Variants in ATP1B2 observed in about 807,000 individuals in gnomAD.
The protein encoded by ATP1B2 is sodium/potassium-transporting ATPase subunit beta-2.
A neutral mutation model predicts 37.3 loss-of-function variants in ATP1B2; 12 were observed. The observed-to-expected ratio is 0.32, with a 90% CI of 0.21 to 0.52. The LOEUF is 0.52. Ranked by LOEUF, ATP1B2 falls within the 20% of genes least tolerant of loss-of-function variation. The probability of loss-of-function intolerance (pLI) is 0.96; values close to 1 mark genes in which losing one functional copy is unlikely to be tolerated. For synonymous variants in ATP1B2, 139 were observed against 140.5 expected, an observed-to-expected ratio of 0.99 and a Z score of 0.07; for missense variants, 324 against 391.6, an observed-to-expected ratio of 0.83 and a Z score of 1.46.
In ATP1B2 at chr17:7,656,490, C is replaced by T. The variant is rs1185037949; in HGVS notation, c.*595C>T. The stretch of plus-strand genomic sequence containing the variant: ...CCCTATTCCCTCCTCTGAAATGCAC[C>T]CCTTTGTAATTGAGGACAAGGTGGT... On this transcript the variant is annotated 3_prime_UTR_variant, in exon 7 of 7. Transcript: ENST00000250111. 1.3e-5 allele frequency: 2 copies of T among 154,918 alleles called. No individual in the cohort carries two copies. Among genetic ancestry groups the T allele is most frequent in the African/African-American group, 4.8e-5 (2 of 41,408 alleles). 9.6% of individuals were successfully genotyped at this position (154,918 alleles called of 1,614,324 possible). A position where few individuals can be genotyped will look rare whatever the true frequency, so the allele number is the denominator to read the frequency against.
In ATP1B2 at chr17:7,653,945, C is replaced by A. The variant is rs770644298; in HGVS notation, c.346C>A (p.Pro116Thr). The A allele has an allele frequency of 3.8e-5, 61 of 1,613,356 alleles. No homozygotes were observed. Among genetic ancestry groups the A allele is most frequent in the Non-Finnish European group, 4.9e-5 (58 of 1,179,778 alleles). ...TCAGAAGCTCAACAAGTTCTTGGAG[C>A]GTGAGTGTGGGCCTGGTTATGTGTC... is the stretch of plus-strand genomic sequence containing the variant. ...HVQKLNKFLE[P>T]YNDSIQAQKN... Residue 116 changes from proline (P) to threonine (T), a missense_variant and splice_region_variant, in exon 3 of 7, where the codon CCT becomes ACT. Coordinates refer to ENST00000250111, the MANE Select transcript of ATP1B2 (RefSeq NM_001678.5).
In ATP1B2 at chr17:7,656,313, C is replaced by T. The variant is rs2072652122; in HGVS notation, c.*418C>T. The T allele has an allele frequency of 5.4e-6, 1 of 186,154 alleles. No homozygotes were observed. Among genetic ancestry groups the T allele is most frequent in the Admixed American group, 5.5e-5 (1 of 18,036 alleles). 11.5% of individuals were successfully genotyped at this position (186,154 alleles called of 1,614,324 possible). ...ACACGCGTCTCATTTGACCCCTTTG[C>T]TTCCAGAGATGAATGTGGCACTCCC... On this transcript the variant is annotated 3_prime_UTR_variant, in exon 7 of 7. Transcript: ENST00000250111.
rs1287411097 is a variant in ATP1B2, at chr17:7,654,773, C to G, written c.609+89C>G. 4.7e-6 allele frequency: 7 copies of G among 1,478,020 alleles called. No individual in the cohort carries two copies. The South Asian group carries it at 8.0e-5, about 17-fold the overall frequency. The allele number at this position is 1,478,020 out of a possible 1,614,324, so 91.6% of individuals were successfully genotyped here. A position where few individuals can be genotyped will look rare whatever the true frequency, so the allele number is the denominator to read the frequency against. ...TTCTGTGTAATTCACCTGTCTCTCCCTATCTTCTTTGCTCCTAGAGGCCCC... is the reference window on the plus strand; with the variant it reads ...TTCTGTGTAATTCACCTGTCTCTCCGTATCTTCTTTGCTCCTAGAGGCCCC... On this transcript the variant is annotated intron_variant, in intron 5 of 6. Transcript: ENST00000250111. This position sits in a 1 kb window ranked among gnomAD's most constrained non-coding sequence, Gnocchi z 4.9.
intron 1 of ATP1B2, among the ~76,000 whole-genome samples, chr17:7,652,547 A>C (rs192970265): frequency 1.3e-5 from 2 of 152,270 alleles, no homozygotes; most frequent in African/African-American, 4.8e-5. Context: ...CATGCAATCC[A>C]TTCCCTCAGG....
chr17:7,651,888 G>A (rs2072615932), intron 1 of ATP1B2, among the ~76,000 whole-genome samples: 1 of 11,502 alleles, frequency 8.7e-5, no homozygotes, highest in Non-Finnish European at 1.5e-4. Flanking sequence ...AGCTCCGCCT[G>A]CGTGTCCGCG....
In ATP1B2 at chr17:7,651,434, G is replaced by T; in HGVS notation, c.-85G>T. 8.1e-7 allele frequency: 1 copy of T among 1,231,544 alleles called. No homozygotes were observed. Among genetic ancestry groups the T allele is most frequent in the Non-Finnish European group, 1.2e-6 (1 of 864,776 alleles). 76.3% of individuals were successfully genotyped at this position (1,231,544 alleles called of 1,614,324 possible). ...CGCCGCCTTCGCTCCCCGTGCTTTT[G>T]GGTGTGTGGAGGGCTTCAGCGCGCG... On this transcript the variant is annotated 5_prime_UTR_variant, in exon 1 of 7. Transcript: ENST00000250111.
chr17:7,649,616 G>A (rs113542883), upstream of ATP1B2, among the ~76,000 whole-genome samples: 2,803 of 150,198 alleles, frequency 0.019, 90 homozygotes, highest in African/African-American at 0.065. Context: ...GCAGTGGAGC[G>A]ATCTCGGCTC....
chr17:7,654,682 A>AAGGTGAGTTCGTTGGGCCTT lies in ATP1B2; in HGVS notation c.608_609+18dup. ...GAGCATGAATGTTACCTGTGCTGGGAAGGTGAGTTCGTTGGGCCTTGTCTG... is the reference window on the plus strand; with the variant it reads ...GAGCATGAATGTTACCTGTGCTGGGAAGGTGAGTTCGTTGGGCCTTAGGTGAGTTCGTTGGGCCTTGTCTG... On this transcript the variant is annotated frameshift_variant and splice_region_variant, in exon 5 of 7. Transcript: ENST00000250111. LOFTEE classifies it high-confidence loss of function. The surrounding 1 kb of genome is among the most constrained non-coding windows in gnomAD (Gnocchi z 4.9). 1 of 1,614,118 alleles carries AAGGTGAGTTCGTTGGGCCTT rather than the reference A, an allele frequency of 6.2e-7. No homozygotes were observed. Among genetic ancestry groups the AAGGTGAGTTCGTTGGGCCTT allele is most frequent in the Non-Finnish European group, 8.5e-7 (1 of 1,179,996 alleles).
intron 2 of ATP1B2, 40 bp from the exon 3 acceptor site, chr17:7,653,801 T>G (rs752381508): frequency 6.3e-7 from 1 of 1,588,368 alleles, no homozygotes; most frequent in South Asian, 1.1e-5. Flanking sequence ...CAGTCCCTCA[T>G]CTTATAGATA....
chr17:7,653,366 C>G lies in ATP1B2; in HGVS notation c.113-8C>G. 1 of 1,613,958 alleles carries G rather than the reference C, an allele frequency of 6.2e-7. No individual in the cohort carries two copies. Among genetic ancestry groups the G allele is most frequent in the South Asian group, 1.1e-5 (1 of 91,064 alleles). The stretch of plus-strand genomic sequence containing the variant: ...TGGGCCCTGCTGACCCTGTTTCCTC[C>G]TCCCTAGCCTTTATCCTCCTCTTCT... On this transcript the variant is annotated splice_region_variant and splice_polypyrimidine_tract_variant and intron_variant, in intron 1 of 6. Coordinates refer to ENST00000250111, the MANE Select transcript of ATP1B2 (RefSeq NM_001678.5).
At chr17:7,648,839 C>T (rs2072590996), upstream of ATP1B2, among the ~76,000 whole-genome samples, 1 of 152,044 alleles carries the variant, frequency 6.6e-6, no homozygotes, top group Admixed American at 6.6e-5. Context: ...TCAGTCTAAC[C>T]TGCAGGGTAC....
chr17:7,651,637 A>T lies in ATP1B2; in HGVS notation c.112+7A>T. ...CGCACCGGGACCAGCTGGGGTACGC[A>T]GGGCCGGCACGCAAGGGGCGGGGGA... On this transcript the variant is annotated splice_region_variant and intron_variant, in intron 1 of 6. Transcript: ENST00000250111. 1 of 1,588,042 alleles carries T rather than the reference A, an allele frequency of 6.3e-7. No homozygotes were observed. The highest frequency in any genetic ancestry group is 2.3e-5 in the East Asian group (1 of 42,968).
chr17:7,651,135 C>A lies in ATP1B2; in HGVS notation c.-384C>A, dbSNP rs556486120. On this transcript the variant is annotated 5_prime_UTR_variant, in exon 1 of 7. Transcript: ENST00000250111. ...CCCCACCTCTCTCTGCCTTTTTGTACCCCGCTTTTTTTCTGCGTTCTGCTC... is the reference window on the plus strand; with the variant it reads ...CCCCACCTCTCTCTGCCTTTTTGTAACCCGCTTTTTTTCTGCGTTCTGCTC... 7 of 222,196 alleles carry A rather than the reference C, an allele frequency of 3.2e-5. No individual in the cohort carries two copies. In the Admixed American group the frequency reaches 3.4e-4, roughly 11 times the overall value. The allele number at this position is 222,196 out of a possible 1,614,324, so 13.8% of individuals were successfully genotyped here.
rs1401562066 is a variant in ATP1B2 at position 7,656,562 on chromosome 17, C to G, written c.*667C>G. The G allele has an allele frequency of 2.6e-5, 4 of 152,956 alleles. No individual in the cohort carries two copies. The highest frequency in any genetic ancestry group is 5.8e-5 in the Non-Finnish European group (4 of 68,674). 9.5% of individuals were successfully genotyped at this position (152,956 alleles called of 1,614,324 possible). On this transcript the variant is annotated 3_prime_UTR_variant, in exon 7 of 7. Coordinates refer to ENST00000250111, the MANE Select transcript of ATP1B2 (RefSeq NM_001678.5). ...GCTGGCACGTTCTGCTTCTCACCCT[C>G]TGGTGACTCTGTGAGCTGGGAAATG...
chr17:7,650,489 G>A (rs538151712), upstream of ATP1B2, among the ~76,000 whole-genome samples: 3 of 152,256 alleles, frequency 2.0e-5, no homozygotes, highest in African/African-American at 7.2e-5. Context: ...CTCCCGGCTG[G>A]TCTCTTCGCT....
At position 7,654,066 on chromosome 17, in the gene ATP1B2, A is replaced by G; in HGVS notation, c.361A>G (p.Ile121Val). The change falls in exon 4 of 7, where the codon ATC (isoleucine) becomes GTC (valine). Residue 121 changes from isoleucine (I) to valine (V), a missense_variant. By Grantham distance (29) the Ile-to-Val change is conservative. Coordinates refer to ENST00000250111, the MANE Select transcript of ATP1B2 (RefSeq NM_001678.5). This position sits in a 1 kb window ranked among gnomAD's most constrained non-coding sequence, Gnocchi z 4.9. The part of the protein sequence containing the change: ...NKFLEPYNDS[I>V]QAQKNDVCRP... Reference sequence around the variant, plus strand: ...CACCTCTTTAGCTTACAACGACTCTATCCAAGCCCAAAAGAATGATGTCTG... The same window carrying G: ...CACCTCTTTAGCTTACAACGACTCTGTCCAAGCCCAAAAGAATGATGTCTG... 6.2e-7 allele frequency: 1 copy of G among 1,614,112 alleles called. No homozygotes were observed.
At chr17:7,653,650 C>A in intron 2 of ATP1B2, 148 bp downstream of exon 2, 1 of 1,390,628 alleles carries the variant, frequency 7.2e-7, no homozygotes, top group Non-Finnish European at 9.7e-7. Flanking sequence ...TCCACCTTCC[C>A]ATTTACTGCA....
rs1269428288 is a variant in ATP1B2, at chr17:7,651,189, C to T, written c.-330C>T. On this transcript the variant is annotated 5_prime_UTR_variant, in exon 1 of 7. Coordinates refer to ENST00000250111, the MANE Select transcript of ATP1B2 (RefSeq NM_001678.5). ...TTTTGTAGCCGTCTGTTTTTGCACCCCATTTCGTTTTGTTTCTAGACGGTT... is the reference window on the plus strand; with the variant it reads ...TTTTGTAGCCGTCTGTTTTTGCACCTCATTTCGTTTTGTTTCTAGACGGTT... 2 of 279,558 alleles carry T rather than the reference C, an allele frequency of 7.2e-6. No homozygotes were observed. The highest frequency in any genetic ancestry group is 1.4e-5 in the Non-Finnish European group (2 of 145,572). The allele number at this position is 279,558 out of a possible 1,614,324, so 17.3% of individuals were successfully genotyped here. A position where few individuals can be genotyped will look rare whatever the true frequency, so the allele number is the denominator to read the frequency against.
Position 7,651,128 on chromosome 17 carries a change from T to C in ATP1B2, c.-391T>C, listed in dbSNP as rs1278182278. On this transcript the variant is annotated 5_prime_UTR_variant, in exon 1 of 7. Coordinates refer to ENST00000250111, the MANE Select transcript of ATP1B2 (RefSeq NM_001678.5). The stretch of plus-strand genomic sequence containing the variant: ...CCCCCTCCCCCACCTCTCTCTGCCT[T>C]TTTGTACCCCGCTTTTTTTCTGCGT... 2 of 225,480 alleles carry C rather than the reference T, an allele frequency of 8.9e-6. No homozygotes were observed. The highest frequency in any genetic ancestry group is 1.8e-5 in the Non-Finnish European group (2 of 112,236). The allele number at this position is 225,480 out of a possible 1,614,324, so 14.0% of individuals were successfully genotyped here. A position where few individuals can be genotyped will look rare whatever the true frequency, so the allele number is the denominator to read the frequency against.
Sources: allele counts gnomAD v4.1 joint callset (sites outside exome capture counted in the v4.1 genomes callset), GRCh38; gene constraint gnomAD v4.1.1; non-coding constraint Gnocchi (gnomAD v3.1); transcripts MANE v1.5; gene names NCBI Gene and HGNC (gene_info 2026-07-23, HGNC 2026-07-21).